The following ZFHX4 variants were observed in gnomAD, a reference collection of about 807,000 sequenced individuals.
ZFHX4 encodes zinc finger homeobox protein 4.
In ZFHX4, 56 loss-of-function variants were observed where a neutral mutation model predicts 267.6. That is an observed-to-expected ratio of 0.21 (90% CI 0.17 to 0.26). The LOEUF (loss-of-function observed/expected upper bound fraction) is 0.26, where lower values mean the gene tolerates loss of function less well. Among genes scored for constraint, ZFHX4 ranks in the 10% least tolerant of loss-of-function variants. The pLI, the probability that ZFHX4 is intolerant of heterozygous loss-of-function variation, is 1.00. For synonymous variants in ZFHX4, 1,778 were observed against 1,665.6 expected, an observed-to-expected ratio of 1.07 and a Z score of -1.64; for missense variants, 4,332 against 4,420.0, an observed-to-expected ratio of 0.98 and a Z score of 0.56.
At chr8:76,834,028 T>C (rs145049730) in intron 5 of ZFHX4, 103 of 326,014 alleles carry the variant, frequency 3.2e-4, no homozygotes, top group African/African-American at 2.0e-3. Context: ...GTAATATGCA[T>C]TTAAGTTTTC....
chr8:76,864,026 A>G lies in ZFHX4; in HGVS notation c.10312A>G (p.Thr3438Ala). The G allele has an allele frequency of 6.2e-7, 1 of 1,613,816 alleles. No individual in the cohort carries two copies. Among genetic ancestry groups the G allele is most frequent in the Non-Finnish European group, 8.5e-7 (1 of 1,179,854 alleles). The change falls in exon 11 of 11, where the codon ACA becomes GCA. Residue 3438 changes from threonine (T) to alanine (A), a missense_variant. This residue lies in a region of ZFHX4 where 1,648 missense variants were observed against 1,625.0 expected (regional missense o/e 1.01). Transcript: ENST00000651372. Reference sequence around the variant, plus strand: ...TCAGCCTTTGATTGACCCACAAGAGACAGTGCTTCGTGTCCCAGTCAGCAA... The same window carrying G: ...TCAGCCTTTGATTGACCCACAAGAGGCAGTGCTTCGTGTCCCAGTCAGCAA... Reference protein sequence around the residue: ...FGQPLIDPQETVLRVPVSKYQ... With the variant: ...FGQPLIDPQEAVLRVPVSKYQ...
intron 1 of ZFHX4, among the ~76,000 whole-genome samples, chr8:76,698,092 A>G (rs1808005640): frequency 6.6e-6 from 1 of 152,122 alleles, no homozygotes; most frequent in Admixed American, 6.6e-5. Flanking sequence ...AGTATCAAAG[A>G]AAGACTCAGA....
chr8:76,756,065 T>C (rs1273447976), intron 3 of ZFHX4, among the ~76,000 whole-genome samples: 1 of 152,196 alleles, frequency 6.6e-6, no homozygotes, highest in East Asian at 1.9e-4. Flanking sequence ...GAAGAAATCA[T>C]CAAAGAAGAA....
At chr8:76,753,994 A>T (rs1412985892) in intron 3 of ZFHX4, among the ~76,000 whole-genome samples, 1 of 152,154 alleles carries the variant, frequency 6.6e-6, no homozygotes, top group Admixed American at 6.6e-5. Flanking sequence ...TCATACTGAC[A>T]GGGTTTTGAT....
At chr8:76,693,153 T>C (rs759947834) in intron 1 of ZFHX4, among the ~76,000 whole-genome samples, 2 of 152,162 alleles carry the variant, frequency 1.3e-5, no homozygotes, top group Non-Finnish European at 2.9e-5. Context: ...TATTGGCAAA[T>C]CTTTGGTGCT....
intron 4 of ZFHX4, among the ~76,000 whole-genome samples, chr8:76,795,132 G>A (rs763046179): frequency 2.6e-5 from 4 of 152,092 alleles, no homozygotes; most frequent in Non-Finnish European, 5.9e-5. Flanking sequence ...ATTACATCTG[G>A]TAACAGAAGA....
chr8:76,858,598 T>C (rs958952546), intron 10 of ZFHX4, among the ~76,000 whole-genome samples: 2 of 152,324 alleles, frequency 1.3e-5, no homozygotes, highest in African/African-American at 4.8e-5. Flanking sequence ...TTTCAGTTCA[T>C]GTCTTTATTA....
chr8:76,857,638 CA>C (rs1400930935), intron 10 of ZFHX4, among the ~76,000 whole-genome samples: 1 of 151,926 alleles, frequency 6.6e-6, no homozygotes, highest in African/African-American at 2.4e-5. Context: ...TGGAACTATA[CA>C]TATAAAGAAT....
At chr8:76,763,653 G>C (rs952196970) in intron 3 of ZFHX4, among the ~76,000 whole-genome samples, 2 of 151,908 alleles carry the variant, frequency 1.3e-5, no homozygotes, top group Non-Finnish European at 2.9e-5. Flanking sequence ...AAAAACAAGT[G>C]ATGTATTATT....
chr8:76,809,968 C>T (rs1394191000), intron 4 of ZFHX4, among the ~76,000 whole-genome samples: 1 of 152,158 alleles, frequency 6.6e-6, no homozygotes, highest in East Asian at 1.9e-4. Flanking sequence ...CATTAAACTT[C>T]TATCAATAAA....
intron 4 of ZFHX4, among the ~76,000 whole-genome samples, chr8:76,823,068 C>G (rs1811696318): frequency 6.6e-6 from 1 of 151,490 alleles, no homozygotes; most frequent in African/African-American, 2.4e-5. Flanking sequence ...ACTCTACTAC[C>G]TTTCTCTACA....
In ZFHX4 at chr8:76,708,018, C is replaced by G; in HGVS notation, c.3063C>G (p.His1021Gln). 1.9e-6 allele frequency: 3 copies of G among 1,613,828 alleles called. No individual in the cohort carries two copies. The highest frequency in any genetic ancestry group is 2.5e-6 in the Non-Finnish European group (3 of 1,179,888). The change falls in exon 3 of 11, where the codon CAC (histidine) becomes CAG (glutamine). Residue 1021 changes from histidine (H) to glutamine (Q), a missense_variant. Transcript: ENST00000651372. The stretch of plus-strand genomic sequence containing the variant: ...AATTACGCTTGCATACCACCAATCA[C>G]AGGCACGAGGCGGCCCTGAAGCTCT... ...VDKLRLHTTN[H>Q]RHEAALKLYK...
chr8:76,735,337 A>G (rs1809130580), intron 3 of ZFHX4, among the ~76,000 whole-genome samples: 2 of 152,146 alleles, frequency 1.3e-5, no homozygotes. Flanking sequence ...AAGTGTTACA[A>G]GAATATCCGG....
intron 3 of ZFHX4, among the ~76,000 whole-genome samples, chr8:76,754,574 G>T (rs935314940): frequency 6.6e-6 from 1 of 151,984 alleles, no homozygotes; most frequent in Admixed American, 6.6e-5. Context: ...TTAGTTTATA[G>T]ATAATAATTA....
rs577554191 is a variant in ZFHX4 at position 76,737,272 on chromosome 8, A to T, written c.3093+29224A>T. On this transcript the variant is annotated intron_variant, in intron 3 of 10. Coordinates refer to ENST00000651372, the MANE Select transcript of ZFHX4 (RefSeq NM_024721.5). ...TTAGTTATAACTGATACAGATTTTT[A>T]AAAAATATTTCGACTTTAAGAAAAT... 3.7e-4 allele frequency among the ~76,000 whole-genome samples: 56 copies of T among 152,298 alleles called. No homozygotes were observed. The Middle Eastern group carries it at 0.01, about 28-fold the overall frequency.
At position 76,855,601 on chromosome 8, in the gene ZFHX4, G is replaced by C. The variant is rs1346349841; in HGVS notation, c.8680G>C (p.Asp2894His). ...QSFYITDDPD[D>H]NADRSETSSI... ...CTTTTACATCACAGATGACCCGGAT[G>C]ACAACGCCGACCGCAGCGAAACGTC... is the stretch of plus-strand genomic sequence containing the variant. Residue 2894 changes from aspartate (D) to histidine (H), a missense_variant, in exon 10 of 11, where the codon GAC (aspartate) becomes CAC (histidine). By Grantham distance (81) the Asp-to-His change is moderately conservative. Coordinates refer to ENST00000651372, the MANE Select transcript of ZFHX4 (RefSeq NM_024721.5). 6.2e-7 allele frequency: 1 copy of C among 1,613,716 alleles called. No individual in the cohort carries two copies. The highest frequency in any genetic ancestry group is 8.5e-7 in the Non-Finnish European group (1 of 1,179,820).
At chr8:76,805,021 T>A (rs1563532209) in intron 4 of ZFHX4, among the ~76,000 whole-genome samples, 1 of 152,082 alleles carries the variant, frequency 6.6e-6, no homozygotes, top group Non-Finnish European at 1.5e-5. Context: ...CACATGCAGG[T>A]GAAAGGGGTT....
chr8:76,838,006 A>G (rs1563550658), intron 5 of ZFHX4, among the ~76,000 whole-genome samples: 1 of 152,224 alleles, frequency 6.6e-6, no homozygotes, highest in African/African-American at 2.4e-5. Context: ...CCTATGAGAT[A>G]ATTATTATTA....
In ZFHX4 at chr8:76,863,942, A is replaced by G; in HGVS notation, c.10228A>G (p.Met3410Val). ...TGAGTTTATATGCAGAAAGTGCCAG[A>G]TGATGTTTACTGATGAAGACGCCGC... ...KYEFICRKCQ[M>V]MFTDEDAAVN... is the part of the protein sequence containing the mutation. Residue 3410 changes from methionine to valine, a missense_variant, in exon 11 of 11, where the codon ATG becomes GTG. Met to Val is a conservative substitution (Grantham distance 21). Around this residue, in one of 7 missense-constraint regions of ZFHX4, gnomAD observed 1,648 missense variants for 1,625.0 expected, o/e 1.01. Coordinates refer to ENST00000651372, the MANE Select transcript of ZFHX4 (RefSeq NM_024721.5). The G allele has an allele frequency of 1.2e-6, 2 of 1,605,020 alleles. No homozygotes were observed. Among genetic ancestry groups the G allele is most frequent in the East Asian group, 2.2e-5 (1 of 44,528 alleles).
Sources: gnomAD v4.1 joint callset for allele counts (sites outside exome capture counted in the v4.1 genomes callset) on GRCh38, gnomAD v4.1.1 for gene constraint, gnomAD v4.1.1 regional missense constraint, MANE v1.5 for transcripts, NCBI Gene and HGNC (gene_info 2026-07-23, HGNC 2026-07-21) for gene names.